The following ANXA3 variants were observed in gnomAD, a reference collection of about 807,000 sequenced individuals.
ANXA3 encodes the protein 35-alpha calcimedin.
A neutral mutation model predicts 48.8 loss-of-function variants in ANXA3; 46 were observed. That is an observed-to-expected ratio of 0.94 (90% CI 0.74 to 1.21). The LOEUF is 1.21. Ranked by LOEUF, ANXA3 falls within the 50% of genes most tolerant of loss-of-function variation. The probability of loss-of-function intolerance (pLI) is 0.00; values close to 1 mark genes in which losing one functional copy is unlikely to be tolerated. For missense variants in ANXA3, 383 were observed against 378.6 expected, an observed-to-expected ratio of 1.01 and a Z score of -0.10; for synonymous variants, 128 against 134.7, an observed-to-expected ratio of 0.95 and a Z score of 0.35.
At chr4:78,551,922 C>T (rs963225206) in intron 1 of ANXA3, 63 bp downstream of exon 1, 20 of 152,448 alleles carry the variant, frequency 1.3e-4, no homozygotes, top group African/African-American at 4.6e-4. Flanking sequence ...TGACGGGTGG[C>T]TTGGGGAGGT....
At chr4:78,590,522 A>T (rs987123100) in intron 6 of ANXA3, among the ~76,000 whole-genome samples, 1 of 152,210 alleles carries the variant, frequency 6.6e-6, no homozygotes, top group African/African-American at 2.4e-5. Context: ...TGGTGCAGAC[A>T]GTTCAGATAG....
chr4:78,577,109 A>G (rs1346170047), intron 3 of ANXA3, among the ~76,000 whole-genome samples: 1 of 152,216 alleles, frequency 6.6e-6, no homozygotes, highest in Non-Finnish European at 1.5e-5. Flanking sequence ...TGACATGATC[A>G]GATTGTATTT....
chr4:78,601,902 A>C (rs1459704303), intron 11 of ANXA3: 1 of 174,758 alleles, frequency 5.7e-6, no homozygotes, highest in Non-Finnish European at 1.2e-5. Flanking sequence ...ATGAAAATTC[A>C]TGTATAATAT....
intron 6 of ANXA3, among the ~76,000 whole-genome samples, chr4:78,590,046 T>C (rs1723257603): frequency 6.6e-6 from 1 of 152,228 alleles, no homozygotes; most frequent in African/African-American, 2.4e-5. Flanking sequence ...AATAATTTTT[T>C]ACTCTAATAT....
At chr4:78,589,213 A>G (rs7683399) in intron 6 of ANXA3, among the ~76,000 whole-genome samples, 107,025 of 152,088 alleles carry the variant, frequency 0.7, 37,879 homozygotes, top group East Asian at 0.88. Context: ...CTTAAGAGCC[A>G]AGTGAAACTT....
chr4:78,604,284 G>T lies in ANXA3; in HGVS notation c.797G>T (p.Gly266Val), dbSNP rs1337773633. 6.2e-7 allele frequency: 1 copy of T among 1,610,950 alleles called. No individual in the cohort carries two copies. Among genetic ancestry groups the T allele is most frequent in the Non-Finnish European group, 8.5e-7 (1 of 1,177,912 alleles). The change falls in exon 12 of 13, where the codon GGA becomes GTA. Residue 266 changes from glycine (G) to valine (V), a missense_variant. Physicochemically the swap from Gly to Val is moderately radical, Grantham distance 109. Transcript: ENST00000264908. ...ERLHRALKGI[G>V]TDEFTLNRIM... ...ACCTGCATTCCTTAACAGGGTATTG[G>T]AACTGATGAGTTTACTCTGAACCGA...
At chr4:78,593,348 A>ATG in intron 7 of ANXA3, among the ~76,000 whole-genome samples, 1 of 151,742 alleles carries the variant, frequency 6.6e-6, no homozygotes, top group African/African-American at 2.4e-5. Flanking sequence ...GATTACAGGC[A>ATG]CACGCCACCA....
intron 4 of ANXA3, among the ~76,000 whole-genome samples, chr4:78,581,391 T>C (rs904450933): frequency 6.6e-6 from 1 of 152,164 alleles, no homozygotes; most frequent in Admixed American, 6.5e-5. Flanking sequence ...ACAATATCAA[T>C]AGGTAATGTC....
In ANXA3 at chr4:78,609,973, C is replaced by T. The variant is rs936546552; in HGVS notation, c.913-83C>T. ...CATGAGTCTCACACCCAGGTGAATTCCCTAGTGCTATAGGATTTGATTCAT... is the reference window on the plus strand; with the variant it reads ...CATGAGTCTCACACCCAGGTGAATTTCCTAGTGCTATAGGATTTGATTCAT... On this transcript the variant is annotated intron_variant, in intron 12 of 12. Coordinates refer to ENST00000264908, the MANE Select transcript of ANXA3 (RefSeq NM_005139.3). The T allele has an allele frequency of 6.8e-6, 7 of 1,032,314 alleles. No homozygotes were observed. In the South Asian group the frequency reaches 7.6e-5, roughly 11 times the overall value. The allele number at this position is 1,032,314 out of a possible 1,614,324, so 63.9% of individuals were successfully genotyped here.
intron 12 of ANXA3, among the ~76,000 whole-genome samples, chr4:78,608,757 G>A (rs75546173): frequency 0.021 from 3,238 of 152,214 alleles, 105 homozygotes; most frequent in African/African-American, 0.073. Context: ...TTTTGGGGGA[G>A]TGGGGGGAGG....
intron 6 of ANXA3, among the ~76,000 whole-genome samples, chr4:78,587,366 G>C (rs1209833913): frequency 6.6e-6 from 1 of 152,124 alleles, no homozygotes; most frequent in East Asian, 1.9e-4. Flanking sequence ...CCTTTATTCT[G>C]GGTCATATTG....
intron 7 of ANXA3, among the ~76,000 whole-genome samples, chr4:78,594,975 A>T (rs1162520196): frequency 1.3e-5 from 2 of 152,144 alleles, no homozygotes; most frequent in South Asian, 2.1e-4. Flanking sequence ...CTCTAAAAAA[A>T]ATTTTTAAAT....
chr4:78,595,925 G>GT (rs1159095109), intron 9 of ANXA3, 38 bp downstream of exon 9: 2 of 1,364,302 alleles, frequency 1.5e-6, no homozygotes, highest in East Asian at 4.6e-5. Flanking sequence ...GTTGTATGTT[G>GT]TTTTTACAAA....
chr4:78,556,612 G>C (rs1722515625), intron 2 of ANXA3, among the ~76,000 whole-genome samples: 1 of 152,134 alleles, frequency 6.6e-6, no homozygotes, highest in Non-Finnish European at 1.5e-5. Flanking sequence ...CGTATGGATG[G>C]AAGGTGTGCT....
chr4:78,601,864 A>T (rs977610096), intron 11 of ANXA3: 27 of 234,022 alleles, frequency 1.2e-4, no homozygotes, highest in African/African-American at 6.1e-4. Flanking sequence ...GAGTTTAAGT[A>T]GATGCTAATA....
At chr4:78,570,297 C>G (rs1177062128) in intron 2 of ANXA3, among the ~76,000 whole-genome samples, 2 of 152,154 alleles carry the variant, frequency 1.3e-5, no homozygotes, top group African/African-American at 4.8e-5. Flanking sequence ...TGTGCATTGG[C>G]ATTTTAGCAT....
chr4:78,599,201 G>A (rs889724444), intron 10 of ANXA3, among the ~76,000 whole-genome samples: 2 of 152,120 alleles, frequency 1.3e-5, no homozygotes, highest in African/African-American at 4.8e-5. Flanking sequence ...TAGTCACAAG[G>A]TTTTGCAACC....
At chr4:78,590,559 G>T (rs1476418420) in intron 6 of ANXA3, among the ~76,000 whole-genome samples, 1 of 152,128 alleles carries the variant, frequency 6.6e-6, no homozygotes, top group Admixed American at 6.5e-5. Flanking sequence ...ACAACAAAGG[G>T]TATAGTGGCT....
chr4:78,587,666 C>T (rs1723206023), intron 6 of ANXA3, among the ~76,000 whole-genome samples: 2 of 152,182 alleles, frequency 1.3e-5, no homozygotes, highest in African/African-American at 4.8e-5. Context: ...AAAGAGGATG[C>T]TTTGGGAGAT....
Sources: gnomAD v4.1 joint callset for allele counts (sites outside exome capture counted in the v4.1 genomes callset) on GRCh38, gnomAD v4.1.1 for gene constraint, MANE v1.5 for transcripts, NCBI Gene and HGNC (gene_info 2026-07-23, HGNC 2026-07-21) for gene names.